METAP1D: variants seen among roughly 807,000 people sequenced by gnomAD.
METAP1D encodes the protein methionine aminopeptidase 1D, mitochondrial.
In METAP1D, 31 loss-of-function variants were observed where a neutral mutation model predicts 40.5. The observed-to-expected ratio is 0.77, with a 90% CI of 0.58 to 1.03. The LOEUF (loss-of-function observed/expected upper bound fraction) is 1.03. METAP1D is among the 50% of genes least tolerant of loss of function. The probability of loss-of-function intolerance (pLI) is 0.00; values close to 1 mark genes in which losing one functional copy is unlikely to be tolerated. For missense variants in METAP1D, 411 were observed against 420.7 expected, an observed-to-expected ratio of 0.98 and a Z score of 0.20; for synonymous variants, 151 against 146.4, an observed-to-expected ratio of 1.03 and a Z score of -0.22.
intron 1 of METAP1D, among the ~76,000 whole-genome samples, chr2:172,043,368 TGG>T (rs200293565): frequency 0.025 from 3,257 of 132,878 alleles, 705 homozygotes; most frequent in Admixed American, 0.088. Context: ...GGATAATATT[TGG>T]GGAGAGGAAA....
intron 1 of METAP1D, among the ~76,000 whole-genome samples, chr2:172,040,746 CTTTTTTTTT>C (rs782267064): frequency 1.7e-5 from 2 of 117,226 alleles, no homozygotes; most frequent in East Asian, 5.3e-4. Context: ...TTCAGGCCCT[CTTTTTTTTT>C]TTTTTTTTTG....
chr2:172,005,540 A>G (rs1263326099), intron 1 of METAP1D, among the ~76,000 whole-genome samples: 2 of 116,574 alleles, frequency 1.7e-5, no homozygotes, highest in Admixed American at 8.9e-5. Flanking sequence ...ATATATATAT[A>G]TATATCTTTT....
chr2:172,059,202 G>A (rs1481627594), intron 1 of METAP1D, among the ~76,000 whole-genome samples: 2 of 151,316 alleles, frequency 1.3e-5, no homozygotes, highest in Non-Finnish European at 1.5e-5. Flanking sequence ...TCTGCCTTCC[G>A]GGTTCGAGTA....
chr2:172,002,350 CA>C (rs1359329580), intron 1 of METAP1D, among the ~76,000 whole-genome samples: 12 of 152,016 alleles, frequency 7.9e-5, no homozygotes, highest in African/African-American at 2.9e-4. Flanking sequence ...GAATCAATGA[CA>C]AAAACTGTGA....
intron 1 of METAP1D, among the ~76,000 whole-genome samples, chr2:172,032,189 C>G (rs562966098): frequency 6.6e-6 from 1 of 152,228 alleles, no homozygotes; most frequent in East Asian, 1.9e-4. Flanking sequence ...CTCTAATCTC[C>G]CAGCCTCATC....
intron 1 of METAP1D, among the ~76,000 whole-genome samples, chr2:172,014,209 C>A (rs1229338315): frequency 1.3e-5 from 2 of 152,018 alleles, no homozygotes; most frequent in Non-Finnish European, 2.9e-5. Context: ...CTCCTGGGTG[C>A]AAGCGATTCT....
At chr2:172,037,207 A>C (rs1689416203) in intron 1 of METAP1D, among the ~76,000 whole-genome samples, 1 of 152,032 alleles carries the variant, frequency 6.6e-6, no homozygotes, top group Non-Finnish European at 1.5e-5. Flanking sequence ...GGTTGCTGTA[A>C]GCCAAAATCG....
In METAP1D at chr2:172,041,868, T is replaced by G. The variant is rs1347411984; in HGVS notation, c.41-19630T>G. Among the ~76,000 whole-genome samples the G allele has an allele frequency of 1.7e-5, 2 of 114,568 alleles. 1 individual carries two copies. Among genetic ancestry groups the G allele is most frequent in the Non-Finnish European group, 4.1e-5 (2 of 48,894 alleles). The allele number at this position is 114,568 out of a possible 152,430, so 75.2% of individuals were successfully genotyped here. A position where few individuals can be genotyped will look rare whatever the true frequency, so the allele number is the denominator to read the frequency against. ...CAGGCTGGAGTGCAGTGATGCCATG[T>G]CAACTCACTGCAACCTCCGCCTCCC... On this transcript the variant is annotated intron_variant, in intron 1 of 9. Transcript: ENST00000315796.
chr2:172,036,242 G>A (rs1440530255), intron 1 of METAP1D, among the ~76,000 whole-genome samples: 6 of 150,302 alleles, frequency 4.0e-5, no homozygotes, highest in African/African-American at 7.3e-5. Flanking sequence ...GCGTGAACCC[G>A]GGAGGCGGAG....
intron 5 of METAP1D, among the ~76,000 whole-genome samples, chr2:172,068,648 A>G (rs1690348176): frequency 6.6e-6 from 1 of 151,504 alleles, no homozygotes; most frequent in Admixed American, 6.6e-5. Context: ...CCAGTAACTG[A>G]GACTACAGGC....
chr2:172,040,691 A>T (rs1559005862), intron 1 of METAP1D, among the ~76,000 whole-genome samples: 2 of 151,270 alleles, frequency 1.3e-5, no homozygotes, highest in East Asian at 3.9e-4. Context: ...CTGTTACAAG[A>T]CTAGGGGAAA....
chr2:172,063,621 G>A lies in METAP1D; in HGVS notation c.199-90G>A, dbSNP rs1004602170. 9 of 992,164 alleles carry A rather than the reference G, an allele frequency of 9.1e-6. No individual in the cohort carries two copies. In the African/African-American group the frequency reaches 1.3e-4, roughly 14 times the overall value. The allele number at this position is 992,164 out of a possible 1,614,324, so 61.5% of individuals were successfully genotyped here. On this transcript the variant is annotated intron_variant, in intron 2 of 9. Coordinates refer to ENST00000315796, the MANE Select transcript of METAP1D (RefSeq NM_199227.3). ...TCGGTGCTCCGGCAGGAAGGGCAGA[G>A]CTCCATGAAGCAGGAGGCTGTGTCT...
intron 7 of METAP1D, 90 bp downstream of exon 7, chr2:172,077,984 G>T: frequency 1.7e-6 from 1 of 584,432 alleles, no homozygotes; most frequent in Non-Finnish European, 3.1e-6. Flanking sequence ...CTTTGAATCT[G>T]CATTATCAAC....
rs1014063186 is a variant in METAP1D at position 172,080,513 on chromosome 2, C to T, written c.*107C>T. On this transcript the variant is annotated 3_prime_UTR_variant, in exon 10 of 10. Coordinates refer to ENST00000315796, the MANE Select transcript of METAP1D (RefSeq NM_199227.3). Reference sequence around the variant, plus strand: ...AGGGAAATGACCGGTGGTGCGGTAACCTGCGTGGCTCCTGATAGCGTTTGG... The same window carrying T: ...AGGGAAATGACCGGTGGTGCGGTAATCTGCGTGGCTCCTGATAGCGTTTGG... The T allele has an allele frequency of 3.4e-6, 4 of 1,193,000 alleles. No individual in the cohort carries two copies. The highest frequency in any genetic ancestry group is 4.9e-6 in the Non-Finnish European group (4 of 817,870). The allele number at this position is 1,193,000 out of a possible 1,614,324, so 73.9% of individuals were successfully genotyped here.
At chr2:172,014,102 C>T (rs1688793336) in intron 1 of METAP1D, among the ~76,000 whole-genome samples, 1 of 150,170 alleles carries the variant, frequency 6.7e-6, no homozygotes, top group Non-Finnish European at 1.5e-5. Context: ...GGATTACAGG[C>T]GTGAGCCACT....
At chr2:172,061,019 A>G (rs1405103823) in intron 1 of METAP1D, among the ~76,000 whole-genome samples, 2 of 152,242 alleles carry the variant, frequency 1.3e-5, no homozygotes, top group Non-Finnish European at 2.9e-5. Flanking sequence ...GAATTTCAGT[A>G]TAATGCCTCA....
At chr2:172,008,255 G>C (rs1688634629) in intron 1 of METAP1D, among the ~76,000 whole-genome samples, 1 of 152,110 alleles carries the variant, frequency 6.6e-6, no homozygotes, top group African/African-American at 2.4e-5. Flanking sequence ...GGAGACATTG[G>C]AGACATTAGT....
chr2:172,038,357 C>T (rs963678613), intron 1 of METAP1D, among the ~76,000 whole-genome samples: 6 of 152,126 alleles, frequency 3.9e-5, no homozygotes, highest in African/African-American at 4.8e-5. Context: ...GCTAAGACCA[C>T]GTATTTATCT....
intron 6 of METAP1D, among the ~76,000 whole-genome samples, chr2:172,075,244 G>T (rs1435959433): frequency 6.6e-6 from 1 of 152,120 alleles, no homozygotes; most frequent in Admixed American, 6.6e-5. Context: ...TGGGTTCATG[G>T]GCAGATGTCA....
Sources: allele counts gnomAD v4.1 joint callset (sites outside exome capture counted in the v4.1 genomes callset), GRCh38; gene constraint gnomAD v4.1.1; transcripts MANE v1.5; gene names NCBI Gene and HGNC (gene_info 2026-07-23, HGNC 2026-07-21).